FERMT1: variants seen among roughly 807,000 people sequenced by gnomAD.
FERMT1 encodes the protein FERM domain containing kindlin 1.
FERMT1 carries 60 observed loss-of-function variants against 85.3 expected under a neutral mutation model. The observed-to-expected ratio is 0.70, with a 90% CI of 0.57 to 0.87. FERMT1 has a LOEUF of 0.87. Among genes scored for constraint, FERMT1 ranks in the 40% least tolerant of loss-of-function variants. The pLI is 0.00. For missense variants in FERMT1, 701 were observed against 818.9 expected, an observed-to-expected ratio of 0.86 and a Z score of 1.76; for synonymous variants, 275 against 301.1, an observed-to-expected ratio of 0.91 and a Z score of 0.90.
At chr20:6,107,446 CT>C in intron 6 of FERMT1, 85 bp downstream of exon 6, 1 of 782,028 alleles carries the variant, frequency 1.3e-6, no homozygotes, top group Non-Finnish European at 2.2e-6. Context: ...TAAATTCATC[CT>C]AATTTTCATA....
chr20:6,087,550 A>C (rs1463614854), intron 11 of FERMT1: 1 of 508,616 alleles, frequency 2.0e-6, no homozygotes, highest in Non-Finnish European at 3.7e-6. Context: ...ACCTCAGGTG[A>C]TCTGCCCACC....
In FERMT1 at chr20:6,116,525, C is replaced by T. The variant is rs201259502; in HGVS notation, c.152-481G>A. 1.6e-4 allele frequency among the ~76,000 whole-genome samples: 25 copies of T among 152,066 alleles called. No homozygotes were observed. The East Asian group carries it at 3.1e-3, about 19-fold the overall frequency. Reference sequence around the variant, plus strand: ...AAGCGATCACCTGAGGTCAGGAGTTCGAGACCAGCCCGGCCTACATGGCAA... The same window carrying T: ...AAGCGATCACCTGAGGTCAGGAGTTTGAGACCAGCCCGGCCTACATGGCAA... On this transcript the variant is annotated intron_variant, in intron 2 of 14. Transcript: ENST00000217289.
At chr20:6,090,035 G>T (rs1475643619) in intron 9 of FERMT1, among the ~76,000 whole-genome samples, 1 of 152,148 alleles carries the variant, frequency 6.6e-6, no homozygotes, top group South Asian at 2.1e-4. Flanking sequence ...GAACCTTGGT[G>T]TTCCTCTTGG....
intron 5 of FERMT1, among the ~76,000 whole-genome samples, chr20:6,108,058 G>T (rs1190175471): frequency 6.6e-6 from 1 of 152,184 alleles, no homozygotes; most frequent in Non-Finnish European, 1.5e-5. Flanking sequence ...TAGAGAGGGG[G>T]TTTTGCCATG....
intron 3 of FERMT1, among the ~76,000 whole-genome samples, chr20:6,113,707 A>T (rs1321523759): frequency 1.3e-5 from 2 of 152,142 alleles, no homozygotes; most frequent in Non-Finnish European, 2.9e-5. Context: ...GGTGCTGCAT[A>T]AACATCCTTA....
rs533700460 is a variant in FERMT1, at chr20:6,080,740, C to T, written c.1719-1163G>A. ...AAGGATTTGGCCTGAACATCTAGGGCGAGGAGTTGCCTTCTACTGAGATGA... is the reference window on the plus strand; with the variant it reads ...AAGGATTTGGCCTGAACATCTAGGGTGAGGAGTTGCCTTCTACTGAGATGA... On this transcript the variant is annotated intron_variant, in intron 13 of 14. Coordinates refer to ENST00000217289, the MANE Select transcript of FERMT1 (RefSeq NM_017671.5). Among the ~76,000 whole-genome samples, 10 of 152,110 alleles carry T rather than the reference C, an allele frequency of 6.6e-5. No homozygotes were observed. The South Asian group carries it at 1.0e-3, about 16-fold the overall frequency.
At position 6,076,842 on chromosome 20, in the gene FERMT1, G is replaced by C. The variant is rs577099675; in HGVS notation, c.*331C>G. The C allele has an allele frequency of 4.7e-6, 2 of 421,608 alleles. No individual in the cohort carries two copies. The highest frequency in any genetic ancestry group is 1.0e-4 in the East Asian group (2 of 19,836). The allele number at this position is 421,608 out of a possible 1,614,324, so 26.1% of individuals were successfully genotyped here. A position where few individuals can be genotyped will look rare whatever the true frequency, so the allele number is the denominator to read the frequency against. On this transcript the variant is annotated 3_prime_UTR_variant, in exon 15 of 15. Coordinates refer to ENST00000217289, the MANE Select transcript of FERMT1 (RefSeq NM_017671.5). The stretch of plus-strand genomic sequence containing the variant: ...TAGTAATGAGACAGATCAGCACGAG[G>C]ATAACTTGTAGCCATACACCTGGCA...
intron 9 of FERMT1, 97 bp from the exon 10 acceptor site, chr20:6,089,186 GAA>G (rs937899032): frequency 6.3e-5 from 77 of 1,230,452 alleles, no homozygotes; most frequent in Non-Finnish European, 8.7e-5. Context: ...TTGTGTCAAA[GAA>G]AACACACTTT....
intron 6 of FERMT1, 23 bp from the exon 7 acceptor site, chr20:6,097,654 G>C: frequency 6.9e-7 from 1 of 1,457,534 alleles, no homozygotes; most frequent in Non-Finnish European, 9.6e-7. Context: ...ACAGAGGTGT[G>C]TGTGTAATGA....
In FERMT1 at chr20:6,090,783, G is replaced by T. The variant is rs187305017; in HGVS notation, c.1140-1694C>A. Among the ~76,000 whole-genome samples the T allele has an allele frequency of 3.4e-3, 512 of 152,042 alleles. 3 individuals are homozygous for T. Among genetic ancestry groups the T allele is most frequent in the African/African-American group, 0.012 (499 of 41,484 alleles). Reference sequence around the variant, plus strand: ...AAAACCCCCTCAGTGTATTACAGAAGAATATTACATATAATTTATAAAATA... The same window carrying T: ...AAAACCCCCTCAGTGTATTACAGAATAATATTACATATAATTTATAAAATA... On this transcript the variant is annotated intron_variant, in intron 9 of 14. Coordinates refer to ENST00000217289, the MANE Select transcript of FERMT1 (RefSeq NM_017671.5).
At chr20:6,093,565 A>G (rs2123113522) in intron 9 of FERMT1, among the ~76,000 whole-genome samples, 1 of 152,330 alleles carries the variant, frequency 6.6e-6, no homozygotes, top group South Asian at 2.1e-4. Context: ...CTTTATTAAG[A>G]TGTACTTGTG....
Position 6,074,943 on chromosome 20 carries a change from G to T in FERMT1, c.*2230C>A, listed in dbSNP as rs1262483509. On this transcript the variant is annotated 3_prime_UTR_variant, in exon 15 of 15. Transcript: ENST00000217289. ...GATAAGGAAGCAAATGATGTTGAAAGGTGCCCATTAATTTAAAATTTCATC... is the reference window on the plus strand; with the variant it reads ...GATAAGGAAGCAAATGATGTTGAAATGTGCCCATTAATTTAAAATTTCATC... 6.6e-6 allele frequency: 1 copy of T among 151,982 alleles called. No homozygotes were observed. Among genetic ancestry groups the T allele is most frequent in the Non-Finnish European group, 1.5e-5 (1 of 67,988 alleles). The allele number at this position is 151,982 out of a possible 1,614,324, so 9.4% of individuals were successfully genotyped here.
rs140541403 is a variant in FERMT1 at position 6,083,200 on chromosome 20, A to G, written c.1718+840T>C. On this transcript the variant is annotated intron_variant, in intron 13 of 14. Transcript: ENST00000217289. ...TTGATTTACAAGCATGCTTGTGGAT[A>G]TGTTTTGGGAAACCATCCATTGTAT... 1.9e-4 allele frequency among the ~76,000 whole-genome samples: 29 copies of G among 152,322 alleles called. 1 individual carries two copies. Among genetic ancestry groups the G allele is most frequent in the Middle Eastern group, 3.4e-3 (1 of 294 alleles).
chr20:6,111,709 G>C (rs752192300), intron 4 of FERMT1, among the ~76,000 whole-genome samples: 2 of 152,050 alleles, frequency 1.3e-5, no homozygotes, highest in Non-Finnish European at 2.9e-5. Flanking sequence ...AGATTTGATT[G>C]TTTTGATATA....
chr20:6,088,085 C>T (rs532227635), intron 10 of FERMT1, among the ~76,000 whole-genome samples: 36 of 148,238 alleles, frequency 2.4e-4, no homozygotes, highest in African/African-American at 8.9e-4. Context: ...AAGAAAAATG[C>T]TTTTCTTTTA....
rs756589930 is a variant in FERMT1, at chr20:6,085,239, C to T, written c.1420G>A (p.Gly474Ser). 9 of 1,614,030 alleles carry T rather than the reference C, an allele frequency of 5.6e-6. No individual in the cohort carries two copies. The highest frequency in any genetic ancestry group is 5.1e-6 in the Non-Finnish European group (6 of 1,180,020). ...WMAACMLASK[G>S]KTMADSSYQP... is the part of the protein sequence containing the mutation. Reference sequence around the variant, plus strand: ...TAGGAGCTGTCTGCCATGGTTTTGCCCTTCGATGCCAACATGCAGGCAGCC... The same window carrying T: ...TAGGAGCTGTCTGCCATGGTTTTGCTCTTCGATGCCAACATGCAGGCAGCC... Residue 474 changes from glycine to serine, a missense_variant, in exon 12 of 15, where the codon GGC (glycine) becomes AGC (serine). Coordinates refer to ENST00000217289, the MANE Select transcript of FERMT1 (RefSeq NM_017671.5).
In FERMT1 at chr20:6,116,086, C is replaced by T. The variant is rs143539679; in HGVS notation, c.152-42G>A. 5.6e-4 allele frequency: 793 copies of T among 1,423,912 alleles called. 1 individual carries two copies. The highest frequency in any genetic ancestry group is 7.2e-4 in the Non-Finnish European group (730 of 1,015,026). 88.2% of individuals were successfully genotyped at this position (1,423,912 alleles called of 1,614,324 possible). A position where few individuals can be genotyped will look rare whatever the true frequency, so the allele number is the denominator to read the frequency against. On this transcript the variant is annotated intron_variant, in intron 2 of 14. Coordinates refer to ENST00000217289, the MANE Select transcript of FERMT1 (RefSeq NM_017671.5). ...ACAATTAAGTAAAATGAGAGAGGGC[C>T]CAGCTTGGAGGGTCCTGGAGCTGCA...
At position 6,076,972 on chromosome 20, in the gene FERMT1, C is replaced by T; in HGVS notation, c.*201G>A. ...CATTTTATAGAAAAAACAAGAGAGG[C>T]TCCTTCCGTGGCTGGTAGCACAGGG... On this transcript the variant is annotated 3_prime_UTR_variant, in exon 15 of 15. Transcript: ENST00000217289. 1.6e-6 allele frequency: 1 copy of T among 606,992 alleles called. No homozygotes were observed. The highest frequency in any genetic ancestry group is 2.9e-6 in the Non-Finnish European group (1 of 342,530). 37.6% of individuals were successfully genotyped at this position (606,992 alleles called of 1,614,324 possible). A position where few individuals can be genotyped will look rare whatever the true frequency, so the allele number is the denominator to read the frequency against.
At chr20:6,102,863 C>G (rs1982698791) in intron 6 of FERMT1, among the ~76,000 whole-genome samples, 1 of 151,950 alleles carries the variant, frequency 6.6e-6, no homozygotes, top group Non-Finnish European at 1.5e-5. Flanking sequence ...ATAACAAAAC[C>G]TACTTAGCAT....
Sources: allele counts gnomAD v4.1 joint callset (sites outside exome capture counted in the v4.1 genomes callset), GRCh38; gene constraint gnomAD v4.1.1; transcripts MANE v1.5; gene names NCBI Gene and HGNC (gene_info 2026-07-23, HGNC 2026-07-21).